Variants in TMEM87A observed in about 807,000 individuals in gnomAD.
The protein encoded by TMEM87A is transmembrane protein 87A.
Under a neutral mutation model 90.0 loss-of-function variants are expected in TMEM87A, and 50 were observed. The ratio of observed to expected loss-of-function variants is 0.56; its 90% confidence interval spans 0.44 to 0.70. The LOEUF is 0.70. TMEM87A is among the 30% of genes least tolerant of loss of function. The probability of loss-of-function intolerance (pLI) is 0.00; values close to 1 mark genes in which losing one functional copy is unlikely to be tolerated. For missense variants in TMEM87A, 577 were observed against 660.5 expected, an observed-to-expected ratio of 0.87 and a Z score of 1.39; for synonymous variants, 226 against 226.7, an observed-to-expected ratio of 1.00 and a Z score of 0.03.
At chr15:42,257,765 T>G (rs1475682647) in intron 6 of TMEM87A, among the ~76,000 whole-genome samples, 1 of 152,064 alleles carries the variant, frequency 6.6e-6, no homozygotes, top group Non-Finnish European at 1.5e-5. Context: ...CAATTGGGAG[T>G]TATTAAAATC....
At position 42,223,108 on chromosome 15, in the gene TMEM87A, T is replaced by C. The variant is rs141761023; in HGVS notation, c.1404-2973A>G. Among the ~76,000 whole-genome samples the C allele has an allele frequency of 5.0e-3, 759 of 152,276 alleles. 9 individuals carry two copies. Among genetic ancestry groups the C allele is most frequent in the African/African-American group, 0.017 (716 of 41,558 alleles). Reference sequence around the variant, plus strand: ...AAAATATATCAGAAATTCCTACAAATTGGGCCTGGTATGGTGGCTCACGCC... The same window carrying C: ...AAAATATATCAGAAATTCCTACAAACTGGGCCTGGTATGGTGGCTCACGCC... On this transcript the variant is annotated intron_variant, in intron 15 of 19. Transcript: ENST00000389834.
chr15:42,234,673 T>C lies in TMEM87A; in HGVS notation c.969-1367A>G, dbSNP rs1490664497. ...TACTTAATCCCACTTAAAGCAAAATTCCTTTAAATAATTGTCTATACAATT... is the reference window on the plus strand; with the variant it reads ...TACTTAATCCCACTTAAAGCAAAATCCCTTTAAATAATTGTCTATACAATT... On this transcript the variant is annotated intron_variant, in intron 10 of 19. Coordinates refer to ENST00000389834, the MANE Select transcript of TMEM87A (RefSeq NM_015497.5). 2.6e-5 allele frequency among the ~76,000 whole-genome samples: 4 copies of C among 152,120 alleles called. No individual in the cohort carries two copies. In the East Asian group the frequency reaches 7.7e-4, roughly 29 times the overall value.
chr15:42,211,661 T>C lies in TMEM87A; in HGVS notation c.*47A>G, dbSNP rs371096955. On this transcript the variant is annotated 3_prime_UTR_variant, in exon 20 of 20. Coordinates refer to ENST00000389834, the MANE Select transcript of TMEM87A (RefSeq NM_015497.5). ...TACAGAAGACTGACACAGATGCTGA[T>C]CTCTTCCCTGATGGTAGCCATCTTT... 1.3e-6 allele frequency: 2 copies of C among 1,578,216 alleles called. No individual in the cohort carries two copies. Among genetic ancestry groups the C allele is most frequent in the African/African-American group, 2.7e-5 (2 of 73,976 alleles).
intron 6 of TMEM87A, among the ~76,000 whole-genome samples, chr15:42,249,755 T>G (rs1450870839): frequency 6.6e-6 from 1 of 152,226 alleles, no homozygotes; most frequent in East Asian, 1.9e-4. Flanking sequence ...ATCTGCTGAT[T>G]TGGGGTGGAA....
At chr15:42,262,855 C>T (rs997151890) in intron 4 of TMEM87A, among the ~76,000 whole-genome samples, 2 of 152,162 alleles carry the variant, frequency 1.3e-5, no homozygotes, top group African/African-American at 2.4e-5. Flanking sequence ...ATTACTATAA[C>T]TATTTTCAAC....
intron 6 of TMEM87A, among the ~76,000 whole-genome samples, chr15:42,245,616 C>T (rs1268058467): frequency 3.3e-5 from 5 of 151,462 alleles, no homozygotes; most frequent in African/African-American, 1.2e-4. Flanking sequence ...CGTCCGCCTC[C>T]CGGGTTCAAG....
intron 11 of TMEM87A, 127 bp from the exon 12 acceptor site, chr15:42,231,387 A>G (rs2050684236): frequency 3.1e-6 from 2 of 648,482 alleles, no homozygotes; most frequent in East Asian, 3.4e-5. Context: ...AGAAAATAAA[A>G]AGAACATTTG....
chr15:42,217,731 A>C, intron 19 of TMEM87A, 72 bp downstream of exon 19: 2 of 1,472,966 alleles, frequency 1.4e-6, no homozygotes, highest in Non-Finnish European at 1.9e-6. Context: ...GAGAATCTCC[A>C]TGAACAGACG....
At chr15:42,231,866 A>G (rs1015806545) in intron 11 of TMEM87A, 6 of 1,278,812 alleles carry the variant, frequency 4.7e-6, no homozygotes, top group African/African-American at 3.1e-5. Flanking sequence ...ACAGGCGTCA[A>G]TTGCTGAGAG....
At chr15:42,222,065 T>TG (rs1169061812) in intron 15 of TMEM87A, among the ~76,000 whole-genome samples, 3 of 151,770 alleles carry the variant, frequency 2.0e-5, no homozygotes. Context: ...AAATGTTTTT[T>TG]TGGTTGTTTT....
At chr15:42,255,216 C>T (rs908603134) in intron 6 of TMEM87A, among the ~76,000 whole-genome samples, 2 of 152,088 alleles carry the variant, frequency 1.3e-5, no homozygotes, top group Admixed American at 6.6e-5. Flanking sequence ...TCGCCGCTAC[C>T]TCCACCTCCC....
chr15:42,247,040 A>G (rs1029761754), intron 6 of TMEM87A, among the ~76,000 whole-genome samples: 2 of 89,162 alleles, frequency 2.2e-5, no homozygotes, highest in Admixed American at 2.8e-4. Flanking sequence ...TTCTCTGATG[A>G]CCAGTGATGA....
At chr15:42,249,874 A>C (rs1180258583) in intron 6 of TMEM87A, among the ~76,000 whole-genome samples, 3 of 152,134 alleles carry the variant, frequency 2.0e-5, no homozygotes, top group East Asian at 3.9e-4. Flanking sequence ...TGGGGTGTTA[A>C]AGTCTCTCAT....
intron 8 of TMEM87A, among the ~76,000 whole-genome samples, chr15:42,239,229 T>C (rs1035457476): frequency 1.4e-4 from 21 of 152,062 alleles, no homozygotes; most frequent in African/African-American, 5.1e-4. Context: ...TTAGTAGAGA[T>C]GGGGTTTCAC....
intron 8 of TMEM87A, among the ~76,000 whole-genome samples, chr15:42,239,344 T>A (rs771558328): frequency 6.6e-6 from 1 of 152,192 alleles, no homozygotes; most frequent in Non-Finnish European, 1.5e-5. Flanking sequence ...CCCAGCCTCA[T>A]TTAGTTAATG....
Position 42,248,707 on chromosome 15 carries a change from G to A in TMEM87A, c.505-4540C>T, listed in dbSNP as rs555394738. On this transcript the variant is annotated intron_variant, in intron 6 of 19. Transcript: ENST00000389834. ...TGCAAGTATTTTATTGAGGATTTTCGCATCGATGTTCATCGGGGATAGTGG... is the reference window on the plus strand; with the variant it reads ...TGCAAGTATTTTATTGAGGATTTTCACATCGATGTTCATCGGGGATAGTGG... Among the ~76,000 whole-genome samples, 56 of 152,112 alleles carry A rather than the reference G, an allele frequency of 3.7e-4. No homozygotes were observed. In the South Asian group the frequency reaches 3.8e-3, roughly 10 times the overall value.
intron 7 of TMEM87A, 30 bp downstream of exon 7, chr15:42,244,020 C>T (rs2050923175): frequency 1.5e-6 from 2 of 1,342,886 alleles, no homozygotes; most frequent in Non-Finnish European, 2.1e-6. Flanking sequence ...CAGATAATAA[C>T]ATAACCATTA....
chr15:42,272,247 C>T (rs1023743591), intron 1 of TMEM87A, 124 bp from the exon 2 acceptor site: 2 of 597,644 alleles, frequency 3.3e-6, no homozygotes, highest in Non-Finnish European at 5.8e-6. Context: ...ACCCCTTAAT[C>T]AGTTCATTCC....
intron 15 of TMEM87A, among the ~76,000 whole-genome samples, chr15:42,220,633 T>TAA (rs2050461636): frequency 1.2e-4 from 2 of 16,570 alleles, no homozygotes; most frequent in African/African-American, 1.7e-4. Context: ...TCCAGGTAAT[T>TAA]TAATTTCAGT....
Sources: gnomAD v4.1 joint callset for allele counts (sites outside exome capture counted in the v4.1 genomes callset) on GRCh38, gnomAD v4.1.1 for gene constraint, MANE v1.5 for transcripts, NCBI Gene and HGNC (gene_info 2026-07-23, HGNC 2026-07-21) for gene names.